The following ARHGAP22 variants were observed in gnomAD, a reference collection of about 807,000 sequenced individuals.
ARHGAP22 encodes Rho GTPase activating protein 22, also known as rho GTPase-activating protein 22.
In ARHGAP22, 48 loss-of-function variants were observed where a neutral mutation model predicts 59.1. The ratio of observed to expected loss-of-function variants is 0.81; its 90% CI spans 0.64 to 1.03. ARHGAP22 has a LOEUF of 1.03. ARHGAP22 is among the 50% of genes least tolerant of loss of function. The probability of loss-of-function intolerance (pLI) is 0.00; values close to 1 mark genes in which losing one functional copy is unlikely to be tolerated. For synonymous variants in ARHGAP22, 445 were observed against 416.4 expected (o/e 1.07, Z -0.84); for missense variants, 1,015 against 958.7 (o/e 1.06, Z -0.78).
chr10:48,454,923 G>C (rs1162445537), intron 6 of ARHGAP22, 79 bp downstream of exon 6: 1 of 1,344,114 alleles, frequency 7.4e-7, no homozygotes, highest in Non-Finnish European at 9.8e-7. Flanking sequence ...TTCATGAAAA[G>C]TCAGAGTCTG....
At chr10:48,621,205 T>C (rs542158130) in intron 1 of ARHGAP22, among the ~76,000 whole-genome samples, 2 of 151,742 alleles carry the variant, frequency 1.3e-5, no homozygotes, top group South Asian at 2.1e-4. Flanking sequence ...TAAAGGCATG[T>C]ACATCTCCAT....
chr10:48,483,294 G>A (rs187748247), intron 3 of ARHGAP22, among the ~76,000 whole-genome samples: 1 of 152,182 alleles, frequency 6.6e-6, no homozygotes, highest in East Asian at 1.9e-4. Context: ...TAAGCTTGTG[G>A]GAGTTATGCA....
intron 2 of ARHGAP22, among the ~76,000 whole-genome samples, chr10:48,555,974 G>T (rs189300059): frequency 6.6e-6 from 1 of 152,280 alleles, no homozygotes; most frequent in Non-Finnish European, 1.5e-5. Context: ...TGTGCGTCCA[G>T]TCCTGCCACG....
intron 3 of ARHGAP22, among the ~76,000 whole-genome samples, chr10:48,492,344 T>C (rs1219007921): frequency 6.6e-6 from 1 of 152,192 alleles, no homozygotes; most frequent in Non-Finnish European, 1.5e-5. Context: ...GTCACTCTCC[T>C]GGCTGCCTAG....
At chr10:48,431,259 C>G in the ARHGAP22 span, 1 of 1,610,422 alleles carries the variant, frequency 6.2e-7, no homozygotes. Flanking sequence ...CGGGGGCAGC[C>G]CTCTCCTTTA....
At chr10:48,499,643 G>A (rs1038241789) in intron 3 of ARHGAP22, among the ~76,000 whole-genome samples, 1 of 152,204 alleles carries the variant, frequency 6.6e-6, no homozygotes, top group Non-Finnish European at 1.5e-5. Context: ...ATGAAAGCTG[G>A]AGAGGAGGGT....
chr10:48,431,825 G>A, the ARHGAP22 span, among the ~76,000 whole-genome samples: 10 of 152,128 alleles, frequency 6.6e-5, no homozygotes, highest in African/African-American at 2.4e-4. Flanking sequence ...AAAGTATAAA[G>A]AATAGAGGGG....
the ARHGAP22 span, among the ~76,000 whole-genome samples, chr10:48,432,020 A>T: frequency 6.6e-6 from 1 of 152,216 alleles, no homozygotes; most frequent in Non-Finnish European, 1.5e-5. Context: ...TCTATTATGT[A>T]GATGAACTAA....
At position 48,488,749 on chromosome 10, in the gene ARHGAP22, G is replaced by A. The variant is rs73296261; in HGVS notation, c.323-8985C>T. 7.1e-3 allele frequency among the ~76,000 whole-genome samples: 1,088 copies of A among 152,344 alleles called. 12 individuals are homozygous for A. Among genetic ancestry groups the A allele is most frequent in the African/African-American group, 0.025 (1,028 of 41,576 alleles). Reference sequence around the variant, plus strand: ...CTGTTGCCTCTGATCCTTTCTGGTAGTTCTTTGCCCAACCTGGGGTAGTTT... The same window carrying A: ...CTGTTGCCTCTGATCCTTTCTGGTAATTCTTTGCCCAACCTGGGGTAGTTT... On this transcript the variant is annotated intron_variant, in intron 3 of 9. Coordinates refer to ENST00000249601, the MANE Select transcript of ARHGAP22 (RefSeq NM_021226.4).
chr10:48,507,060 A>G (rs1050471426), intron 3 of ARHGAP22, among the ~76,000 whole-genome samples: 4 of 152,198 alleles, frequency 2.6e-5, no homozygotes, highest in Non-Finnish European at 5.9e-5. Context: ...TTTGGAAAAC[A>G]CGCTAAAAAA....
At chr10:48,432,172 T>G in the ARHGAP22 span, among the ~76,000 whole-genome samples, 1 of 152,212 alleles carries the variant, frequency 6.6e-6, no homozygotes, top group Non-Finnish European at 1.5e-5. Context: ...GTGAGTAGTA[T>G]TTCAAAAGAT....
At chr10:48,652,123 C>A in intron 1 of ARHGAP22, 2 of 1,026,180 alleles carry the variant, frequency 1.9e-6, no homozygotes, top group Non-Finnish European at 2.9e-6. Context: ...CAGATGCCGC[C>A]TGGTGCTCTC....
At chr10:48,489,069 G>T (rs1301370856) in intron 3 of ARHGAP22, among the ~76,000 whole-genome samples, 1 of 152,038 alleles carries the variant, frequency 6.6e-6, no homozygotes, top group East Asian at 1.9e-4. Context: ...TGAAAGCATT[G>T]TTTCAAATAT....
chr10:48,480,733 T>G (rs890234609), intron 3 of ARHGAP22, among the ~76,000 whole-genome samples: 4 of 152,228 alleles, frequency 2.6e-5, no homozygotes, highest in Non-Finnish European at 5.9e-5. Flanking sequence ...AGTGACTCCA[T>G]GAGGAAGGTA....
chr10:48,554,516 C>T (rs573768827), intron 3 of ARHGAP22, among the ~76,000 whole-genome samples: 44 of 152,340 alleles, frequency 2.9e-4, no homozygotes, highest in African/African-American at 9.9e-4. Context: ...CTCCTCAGCA[C>T]TCACTGTTCC....
intron 3 of ARHGAP22, among the ~76,000 whole-genome samples, chr10:48,521,309 G>A (rs998091294): frequency 3.3e-5 from 5 of 152,192 alleles, no homozygotes; most frequent in Non-Finnish European, 7.3e-5. Context: ...CAGCTTTGCA[G>A]CCAGCAGGAG....
chr10:48,514,269 C>T (rs1356993043), intron 3 of ARHGAP22, among the ~76,000 whole-genome samples: 1 of 151,962 alleles, frequency 6.6e-6, no homozygotes, highest in East Asian at 1.9e-4. Context: ...GTTAGAACTT[C>T]CCAAATTTGT....
chr10:48,569,375 G>A (rs144033759), intron 2 of ARHGAP22, among the ~76,000 whole-genome samples: 97 of 152,334 alleles, frequency 6.4e-4, no homozygotes, highest in African/African-American at 2.0e-3. Context: ...GTCCTCGGCA[G>A]CCCTTCCAAA....
At chr10:48,489,492 A>G (rs1366474724) in intron 3 of ARHGAP22, among the ~76,000 whole-genome samples, 1 of 152,194 alleles carries the variant, frequency 6.6e-6, no homozygotes, top group Non-Finnish European at 1.5e-5. Flanking sequence ...AAACTTGGGG[A>G]CTTTCTACAG....
Sources: gnomAD v4.1 joint callset for allele counts (sites outside exome capture counted in the v4.1 genomes callset) on GRCh38, gnomAD v4.1.1 for gene constraint, MANE v1.5 for transcripts, NCBI Gene and HGNC (gene_info 2026-07-23, HGNC 2026-07-21) for gene names.